Variants in ITSN2 observed in about 807,000 individuals in gnomAD.
The protein encoded by ITSN2 is intersectin-2.
In ITSN2, 156 loss-of-function variants were observed where a neutral mutation model predicts 243.7. The observed-to-expected ratio is 0.64, with a 90% CI of 0.56 to 0.73. ITSN2 has a LOEUF of 0.73. Ranked by LOEUF, ITSN2 falls within the 30% of genes least tolerant of loss-of-function variation. The probability of loss-of-function intolerance (pLI) is 0.00; values close to 1 mark genes in which losing one functional copy is unlikely to be tolerated. For missense variants in ITSN2, 1,801 were observed against 1,996.1 expected (o/e 0.90, Z 1.86); for synonymous variants, 703 against 699.9 (o/e 1.00, Z -0.07).
At chr2:24,323,429 T>C (rs938289993) in intron 2 of ITSN2, among the ~76,000 whole-genome samples, 9 of 152,250 alleles carry the variant, frequency 5.9e-5, no homozygotes, top group African/African-American at 1.9e-4. Context: ...TGCAACATTA[T>C]GACTGAATCA....
At chr2:24,261,882 T>C (rs1012854150) in intron 20 of ITSN2, 140 bp from the exon 21 acceptor site, 1 of 559,938 alleles carries the variant, frequency 1.8e-6, no homozygotes, top group Admixed American at 3.3e-5. Context: ...TTCTACAAAT[T>C]AACAGCTACT....
At position 24,249,496 on chromosome 2, in the gene ITSN2, T is replaced by C. The variant is rs1673831216; in HGVS notation, c.3121-614A>G. On this transcript the variant is annotated intron_variant, in intron 25 of 39. Transcript: ENST00000355123. This position sits in a 1 kb window ranked among gnomAD's most constrained non-coding sequence, Gnocchi z 4.4. ...ATAGGAATTTGAACAACAAAAGGGATGGGATTAAAAAGAATTTTGTTCTGT... is the reference window on the plus strand; with the variant it reads ...ATAGGAATTTGAACAACAAAAGGGACGGGATTAAAAAGAATTTTGTTCTGT... Among the ~76,000 whole-genome samples, 2 of 152,242 alleles carry C rather than the reference T, an allele frequency of 1.3e-5. No individual in the cohort carries two copies. Among genetic ancestry groups the C allele is most frequent in the African/African-American group, 4.8e-5 (2 of 41,554 alleles).
Position 24,350,665 on chromosome 2 carries a change from T to C in ITSN2, c.-34+9639A>G, listed in dbSNP as rs1049199140. On this transcript the variant is annotated intron_variant, in intron 1 of 39. Transcript: ENST00000355123. The stretch of plus-strand genomic sequence containing the variant: ...TAATCCATAAAATATTATTTGGCCA[T>C]AAAAAGGAATGAAGTACTGATCTAT... Among the ~76,000 whole-genome samples, 5 of 152,180 alleles carry C rather than the reference T, an allele frequency of 3.3e-5. No individual in the cohort carries two copies. In the South Asian group the frequency reaches 1.0e-3, roughly 32 times the overall value.
Position 24,246,836 on chromosome 2 carries a change from C to G in ITSN2, c.3346G>C (p.Gly1116Arg), listed in dbSNP as rs150778548. Residue 1116 changes from glycine (G) to arginine (R), a missense_variant, in exon 28 of 40, where the codon GGT becomes CGT. Around this residue, in one of 5 missense-constraint regions of ITSN2, gnomAD observed 928 missense variants for 1,065.4 expected, o/e 0.87. Coordinates refer to ENST00000355123, the MANE Select transcript of ITSN2 (RefSeq NM_006277.3). ...WFPASHVKLL[G>R]PSSERATPAF... ...GGTGTGGCTCTTTCACTACTTGGAC[C>G]CAAAAGTTTAACATGACTGGCAGGA... The G allele has an allele frequency of 1.9e-6, 3 of 1,612,950 alleles. No individual in the cohort carries two copies. Among genetic ancestry groups the G allele is most frequent in the Non-Finnish European group, 2.5e-6 (3 of 1,179,414 alleles).
Position 24,308,663 on chromosome 2 carries a change from C to A in ITSN2, c.747G>T (p.Arg249=). 1 of 1,538,646 alleles carries A rather than the reference C, an allele frequency of 6.5e-7. No homozygotes were observed. The highest frequency in any genetic ancestry group is 1.3e-5 in the South Asian group (1 of 76,248). ...TTTTGTCAAGAGTATTAAATTTTTG[C>A]CGATATTTTAATCTTGTAGGCTGAG... ...AVPQPTRLKY[R]QKFNTLDKSM... is the part of the protein sequence containing the mutation. Residue 249 remains arginine, a synonymous_variant, in exon 8 of 40, where the codon CGG becomes CGT. Transcript: ENST00000355123.
chr2:24,313,355 C>T, intron 4 of ITSN2, 105 bp downstream of exon 4: 1 of 875,254 alleles, frequency 1.1e-6, no homozygotes, highest in Non-Finnish European at 1.8e-6. Flanking sequence ...CAGAAATATT[C>T]TTAATAACCA....
At chr2:24,247,019 C>A (rs1673462715) in intron 27 of ITSN2, 126 bp from the exon 28 acceptor site, 2 of 647,152 alleles carry the variant, frequency 3.1e-6, no homozygotes, top group Non-Finnish European at 5.3e-6. Flanking sequence ...AAAGAGAGGT[C>A]TGGTTTTTGC....
At chr2:24,339,739 T>C (rs1429246753) in intron 1 of ITSN2, among the ~76,000 whole-genome samples, 1 of 152,032 alleles carries the variant, frequency 6.6e-6, no homozygotes, top group African/African-American at 2.4e-5. Context: ...AACAACTAAA[T>C]AGGTCAGGTG....
intron 29 of ITSN2, among the ~76,000 whole-genome samples, chr2:24,228,973 T>C (rs1371165146): frequency 2.0e-5 from 3 of 151,990 alleles, no homozygotes; most frequent in African/African-American, 7.3e-5. Context: ...AACAGACAAA[T>C]TAGGCTTTAA....
rs564990177 is a variant in ITSN2 at position 24,259,118 on chromosome 2, C to A, written c.2683-1025G>T. On this transcript the variant is annotated intron_variant, in intron 22 of 39. Coordinates refer to ENST00000355123, the MANE Select transcript of ITSN2 (RefSeq NM_006277.3). Reference sequence around the variant, plus strand: ...CCTAATACACATAGCTTAAACTTAGCATGGCTGAAACATAATCATTTTTAG... The same window carrying A: ...CCTAATACACATAGCTTAAACTTAGAATGGCTGAAACATAATCATTTTTAG... Among the ~76,000 whole-genome samples the A allele has an allele frequency of 2.6e-3, 389 of 152,316 alleles. 2 individuals are homozygous for A. The highest frequency in any genetic ancestry group is 4.5e-3 in the Non-Finnish European group (309 of 68,030).
intron 20 of ITSN2, among the ~76,000 whole-genome samples, chr2:24,266,854 G>A (rs904224434): frequency 3.3e-5 from 5 of 151,662 alleles, no homozygotes; most frequent in African/African-American, 7.3e-5. Flanking sequence ...GGAGGATGGC[G>A]TGAGCTCGGG....
chr2:24,261,287 T>TCAAA, intron 21 of ITSN2, 37 bp from the exon 22 acceptor site: 1 of 1,471,298 alleles, frequency 6.8e-7, no homozygotes, highest in Non-Finnish European at 9.4e-7. Context: ...TATATTTATT[T>TCAAA]GTTTAGAACT....
intron 29 of ITSN2, among the ~76,000 whole-genome samples, chr2:24,223,893 TAAAG>T (rs1304167294): frequency 1.4e-5 from 2 of 147,136 alleles, no homozygotes; most frequent in Admixed American, 6.8e-5. Flanking sequence ...AGAAGAAAAA[TAAAG>T]AAAAGAAAGA....
rs981127322 is a variant in ITSN2 at position 24,204,191 on chromosome 2, C to T, written c.4936+54G>A. 6.9e-6 allele frequency: 11 copies of T among 1,583,204 alleles called. No homozygotes were observed. In the African/African-American group the frequency reaches 8.1e-5, roughly 12 times the overall value. On this transcript the variant is annotated intron_variant, in intron 39 of 39. Coordinates refer to ENST00000355123, the MANE Select transcript of ITSN2 (RefSeq NM_006277.3). The surrounding 1 kb of genome is among the most constrained non-coding windows in gnomAD (Gnocchi z 5.1). ...AGCTGAAGCCCCTAGATCTGGACTC[C>T]AGGATCTAGGAAACTGGGAAAGCCT...
In ITSN2 at chr2:24,216,066, A is replaced by T. The variant is rs1669928908; in HGVS notation, c.3973T>A (p.Phe1325Ile). ...GGAATTACCTTTAAAAATTCTTTGA[A>T]ATCTGTGTCTTCATCTGTCTTCTGC... ...LQQKTDEDTD[F>I]KEFLKKLASD... is the part of the protein sequence containing the mutation. Residue 1325 changes from phenylalanine (F) to isoleucine (I), a missense_variant, in exon 32 of 40, where the codon TTC becomes ATC. Phe to Ile is a conservative substitution (Grantham distance 21, BLOSUM62 0). Around this residue, in one of 5 missense-constraint regions of ITSN2, gnomAD observed 928 missense variants for 1,065.4 expected, o/e 0.87. Transcript: ENST00000355123. 2 of 1,596,506 alleles carry T rather than the reference A, an allele frequency of 1.3e-6. No individual in the cohort carries two copies. Among genetic ancestry groups the T allele is most frequent in the Non-Finnish European group, 1.7e-6 (2 of 1,171,494 alleles).
intron 2 of ITSN2, among the ~76,000 whole-genome samples, chr2:24,323,148 G>T (rs1184428380): frequency 1.3e-5 from 2 of 151,818 alleles, no homozygotes; most frequent in African/African-American, 4.8e-5. Context: ...AAAACAGTTT[G>T]GGAATTTCTT....
chr2:24,302,345 C>T (rs980719615), intron 9 of ITSN2, among the ~76,000 whole-genome samples: 5 of 151,924 alleles, frequency 3.3e-5, no homozygotes, highest in Non-Finnish European at 5.9e-5. Context: ...ACTACAGGCG[C>T]CCGCCACCAC....
intron 29 of ITSN2, among the ~76,000 whole-genome samples, chr2:24,226,182 T>C (rs546163906): frequency 3.9e-5 from 6 of 152,322 alleles, no homozygotes; most frequent in African/African-American, 1.2e-4. Flanking sequence ...TGTTAGGGGA[T>C]AGAATATTGT....
rs1314817859 is a variant in ITSN2, at chr2:24,211,709, A to G, written c.4090-762T>C. Among the ~76,000 whole-genome samples the G allele has an allele frequency of 6.6e-6, 1 of 152,194 alleles. No homozygotes were observed. Among genetic ancestry groups the G allele is most frequent in the Non-Finnish European group, 1.5e-5 (1 of 68,042 alleles). ...AAAATCTGACCTAAACAGAAGAGAT[A>G]TATTTACTTACTCTTACAGTGATTG... On this transcript the variant is annotated intron_variant, in intron 33 of 39. Transcript: ENST00000355123. This position sits in a 1 kb window ranked among gnomAD's most constrained non-coding sequence, Gnocchi z 4.1.
Sources: allele counts gnomAD v4.1 joint callset (sites outside exome capture counted in the v4.1 genomes callset), GRCh38; gene constraint gnomAD v4.1.1; regional missense constraint gnomAD v4.1.1; non-coding constraint Gnocchi (gnomAD v3.1); transcripts MANE v1.5; gene names NCBI Gene and HGNC (gene_info 2026-07-23, HGNC 2026-07-21).